The following KCNIP4 variants were observed in gnomAD, a reference collection of about 807,000 sequenced individuals.
KCNIP4 encodes the protein potassium voltage-gated channel interacting protein 4.
KCNIP4 carries 12 observed loss-of-function variants against 34.0 expected under a neutral mutation model. That is an observed-to-expected ratio of 0.35 (90% CI 0.23 to 0.57). The LOEUF is 0.57. KCNIP4 is among the 20% of genes least tolerant of loss of function. KCNIP4 has a pLI of 0.83. For missense variants in KCNIP4, 238 were observed against 311.7 expected, an observed-to-expected ratio of 0.76 and a Z score of 1.78; for synonymous variants, 124 against 102.2, an observed-to-expected ratio of 1.21 and a Z score of -1.29.
chr4:21,484,654 C>G (rs1186968341), intron 1 of KCNIP4, among the ~76,000 whole-genome samples: 1 of 152,106 alleles, frequency 6.6e-6, no homozygotes, highest in Non-Finnish European at 1.5e-5. Context: ...CCTCACTCAT[C>G]TACCTCATTG....
In KCNIP4 at chr4:21,775,891, G is replaced by A. The variant is rs138094570; in HGVS notation, c.61+172680C>T. On this transcript the variant is annotated intron_variant, in intron 1 of 8. Transcript: ENST00000382152. Reference sequence around the variant, plus strand: ...GGAGCTTAGCATTTTAGGTAGTTGTGAGTCCCAGCGCTGGCTGATGCCCCT... The same window carrying A: ...GGAGCTTAGCATTTTAGGTAGTTGTAAGTCCCAGCGCTGGCTGATGCCCCT... Among the ~76,000 whole-genome samples the A allele has an allele frequency of 8.8e-3, 1,336 of 152,312 alleles. 19 individuals carry two copies. Among genetic ancestry groups the A allele is most frequent in the South Asian group, 0.039 (187 of 4,826 alleles).
intron 3 of KCNIP4, among the ~76,000 whole-genome samples, chr4:20,847,259 G>T (rs1293063621): frequency 6.6e-6 from 1 of 152,062 alleles, no homozygotes; most frequent in African/African-American, 2.4e-5. Flanking sequence ...GAGTCAGAGG[G>T]AACTGCCCAA....
rs1184067627 is a variant in KCNIP4 at position 21,859,146 on chromosome 4, TAAAC to T, written c.61+89421_61+89424del. Among the ~76,000 whole-genome samples, 7 of 152,134 alleles carry T rather than the reference TAAAC, an allele frequency of 4.6e-5. No homozygotes were observed. The East Asian group carries it at 1.2e-3, about 25-fold the overall frequency. ...GTAACAAACTTCAGCCAAACATAAA[TAAAC>T]AATCTTCCAGCAACTTGCCACAAGT... On this transcript the variant is annotated intron_variant, in intron 1 of 8. Transcript: ENST00000382152.
At chr4:20,963,733 C>G (rs1412567275) in intron 1 of KCNIP4, among the ~76,000 whole-genome samples, 1 of 152,002 alleles carries the variant, frequency 6.6e-6, no homozygotes, top group African/African-American at 2.4e-5. Flanking sequence ...GATAACTGAG[C>G]TCAGATGGAT....
At chr4:21,463,290 T>C (rs577020792) in intron 1 of KCNIP4, among the ~76,000 whole-genome samples, 34 of 152,242 alleles carry the variant, frequency 2.2e-4, no homozygotes, top group African/African-American at 7.5e-4. Flanking sequence ...TTTTTTCATA[T>C]ACCTCTTTGT....
chr4:21,292,683 C>T (rs1487430536), intron 1 of KCNIP4, among the ~76,000 whole-genome samples: 5 of 152,286 alleles, frequency 3.3e-5, no homozygotes, highest in African/African-American at 1.2e-4. Context: ...CACACAAATG[C>T]TTTTCACCTC....
At chr4:21,680,380 A>G (rs182005871) in intron 1 of KCNIP4, among the ~76,000 whole-genome samples, 2 of 152,140 alleles carry the variant, frequency 1.3e-5, no homozygotes, top group Admixed American at 6.6e-5. Flanking sequence ...ATCTCCAGCA[A>G]CTTCCTCCAC....
intron 1 of KCNIP4, among the ~76,000 whole-genome samples, chr4:21,483,230 AAT>A (rs61650696): frequency 1.3e-4 from 20 of 150,526 alleles, no homozygotes; most frequent in South Asian, 8.4e-4. Flanking sequence ...GTATAATTTA[AAT>A]ATATATATAT....
chr4:21,920,194 C>T (rs981335847), intron 1 of KCNIP4, among the ~76,000 whole-genome samples: 1 of 151,954 alleles, frequency 6.6e-6, no homozygotes, highest in Non-Finnish European at 1.5e-5. Context: ...CAAATCATAC[C>T]AAAATAGACA....
chr4:21,863,508 A>G (rs1036864404), intron 1 of KCNIP4, among the ~76,000 whole-genome samples: 1 of 152,080 alleles, frequency 6.6e-6, no homozygotes, highest in Non-Finnish European at 1.5e-5. Flanking sequence ...GCTATTTTTG[A>G]TAGATAGATG....
At chr4:21,320,502 C>T (rs938929380) in intron 1 of KCNIP4, among the ~76,000 whole-genome samples, 3 of 152,062 alleles carry the variant, frequency 2.0e-5, no homozygotes, top group Non-Finnish European at 2.9e-5. Flanking sequence ...ATGGTGAGAT[C>T]TTATATGTGT....
At chr4:21,364,952 G>A (rs1401383798) in intron 1 of KCNIP4, among the ~76,000 whole-genome samples, 5 of 152,044 alleles carry the variant, frequency 3.3e-5, no homozygotes, top group Admixed American at 3.3e-4. Flanking sequence ...GGAAAGCAAG[G>A]GAAAGAAGAT....
intron 1 of KCNIP4, among the ~76,000 whole-genome samples, chr4:21,055,040 G>T (rs1353895545): frequency 6.6e-6 from 1 of 151,900 alleles, no homozygotes. Flanking sequence ...ATTTTCCAAA[G>T]TATACAAAAA....
intron 1 of KCNIP4, among the ~76,000 whole-genome samples, chr4:21,233,287 G>A (rs566655658): frequency 1.3e-5 from 2 of 152,228 alleles, no homozygotes; most frequent in East Asian, 1.9e-4. Flanking sequence ...GTAGTGGGTG[G>A]TGAGATTGTA....
At chr4:21,078,838 T>A (rs1745747983) in intron 1 of KCNIP4, among the ~76,000 whole-genome samples, 1 of 152,120 alleles carries the variant, frequency 6.6e-6, no homozygotes, top group Admixed American at 6.6e-5. Flanking sequence ...GTCCCTGTAC[T>A]CACTCTGCCC....
intron 1 of KCNIP4, among the ~76,000 whole-genome samples, chr4:21,261,923 G>A (rs577098566): frequency 2.0e-5 from 3 of 152,232 alleles, no homozygotes; most frequent in South Asian, 4.1e-4. Context: ...ATCAGATAAT[G>A]TCACTCCAAT....
intron 1 of KCNIP4, among the ~76,000 whole-genome samples, chr4:21,091,698 T>G (rs575730974): frequency 2.2e-4 from 33 of 152,218 alleles, no homozygotes; most frequent in South Asian, 4.1e-4. Flanking sequence ...CAGGTTCCAG[T>G]GAGAGCCCTA....
In KCNIP4 at chr4:20,734,609, T is replaced by C; in HGVS notation, c.537+19A>G. ...GAAAATGGTCCAAATTACTGTGATGTTGGTGAGGCATCCCTTACCTCTTTA... is the reference window on the plus strand; with the variant it reads ...GAAAATGGTCCAAATTACTGTGATGCTGGTGAGGCATCCCTTACCTCTTTA... On this transcript the variant is annotated intron_variant, in intron 6 of 8. Coordinates refer to ENST00000382152, the MANE Select transcript of KCNIP4 (RefSeq NM_025221.6). 1 of 1,064,288 alleles carries C rather than the reference T, an allele frequency of 9.4e-7. No homozygotes were observed. 65.9% of individuals were successfully genotyped at this position (1,064,288 alleles called of 1,614,324 possible). A position where few individuals can be genotyped will look rare whatever the true frequency, so the allele number is the denominator to read the frequency against.
chr4:21,929,688 G>A (rs1197506198), intron 1 of KCNIP4, among the ~76,000 whole-genome samples: 1 of 151,958 alleles, frequency 6.6e-6, no homozygotes, highest in East Asian at 1.9e-4. Context: ...TAAAAGAATT[G>A]TCTACACCTG....
Sources: allele counts gnomAD v4.1 joint callset (sites outside exome capture counted in the v4.1 genomes callset), GRCh38; gene constraint gnomAD v4.1.1; transcripts MANE v1.5; gene names NCBI Gene and HGNC (gene_info 2026-07-23, HGNC 2026-07-21).